Variants in ME3 observed in about 807,000 individuals in gnomAD.
ME3 encodes the protein malic enzyme 3, also known as NADP-dependent malic enzyme, mitochondrial.
In ME3, 48 loss-of-function variants were observed where a neutral mutation model predicts 68.9. The ratio of observed to expected loss-of-function variants is 0.70; its 90% CI spans 0.55 to 0.89. The LOEUF is 0.89. Among genes scored for constraint, ME3 ranks in the 40% least tolerant of loss-of-function variants. The pLI is 0.00. For missense variants in ME3, 675 were observed against 797.4 expected (o/e 0.85, Z 1.85); for synonymous variants, 320 against 318.8 (o/e 1.00, Z -0.04).
chr11:86,511,403 T>A (rs905973494), intron 4 of ME3, among the ~76,000 whole-genome samples: 13 of 152,208 alleles, frequency 8.5e-5, no homozygotes, highest in African/African-American at 3.1e-4. Flanking sequence ...TGCCATGTTC[T>A]TCCTACTCCA....
At chr11:86,547,478 C>T (rs369692402) in intron 4 of ME3, among the ~76,000 whole-genome samples, 58 of 92,032 alleles carry the variant, frequency 6.3e-4, no homozygotes, top group African/African-American at 2.1e-3. Flanking sequence ...TGGGGCCTGT[C>T]GGGCGGGTGG....
intron 2 of ME3, among the ~76,000 whole-genome samples, chr11:86,603,266 A>T (rs1302066525): frequency 2.0e-5 from 3 of 149,972 alleles, no homozygotes; most frequent in South Asian, 4.2e-4. Context: ...AAAACAAACA[A>T]CCCCATCAAA....
intron 7 of ME3, among the ~76,000 whole-genome samples, chr11:86,478,504 A>G (rs2138855279): frequency 1.3e-5 from 2 of 152,248 alleles, no homozygotes; most frequent in Middle Eastern, 6.8e-3. Flanking sequence ...GGGAAGGCAG[A>G]ATTTGAATTG....
intron 14 of ME3, among the ~76,000 whole-genome samples, chr11:86,441,927 G>A (rs187180716): frequency 9.2e-5 from 14 of 152,256 alleles, no homozygotes; most frequent in African/African-American, 3.4e-4. Flanking sequence ...TCTAAATATC[G>A]CCCAAAGGAA....
intron 8 of ME3, chr11:86,457,568 A>T (rs1232802942): frequency 8.6e-7 from 1 of 1,166,534 alleles, no homozygotes; most frequent in African/African-American, 1.6e-5. Context: ...TTTGGCAAAT[A>T]AAGTTATCTC....
intron 4 of ME3, among the ~76,000 whole-genome samples, chr11:86,547,407 A>G (rs1956428371): frequency 6.6e-6 from 1 of 151,520 alleles, no homozygotes; most frequent in Non-Finnish European, 1.5e-5. Flanking sequence ...GCATGTTCTC[A>G]CTTATAAGTG....
At chr11:86,490,823 G>T (rs780234941) in intron 6 of ME3, among the ~76,000 whole-genome samples, 5 of 152,164 alleles carry the variant, frequency 3.3e-5, no homozygotes, top group Non-Finnish European at 7.4e-5. Context: ...TTGAATCTTA[G>T]TGCATCAAGC....
At chr11:86,547,172 A>G (rs1956406092) in intron 4 of ME3, among the ~76,000 whole-genome samples, 1 of 147,398 alleles carries the variant, frequency 6.8e-6, no homozygotes, top group South Asian at 2.2e-4. Flanking sequence ...CGGGAGGCAG[A>G]GCTTGCAGTG....
chr11:86,532,785 C>T (rs1312651235), intron 4 of ME3, among the ~76,000 whole-genome samples: 9 of 152,176 alleles, frequency 5.9e-5, no homozygotes, highest in Non-Finnish European at 2.9e-5. Context: ...AGGGCTCTGG[C>T]GTGGTGGCTT....
At chr11:86,628,242 G>T (rs1048353769) in intron 2 of ME3, among the ~76,000 whole-genome samples, 1 of 152,228 alleles carries the variant, frequency 6.6e-6, no homozygotes, top group Non-Finnish European at 1.5e-5. Context: ...TGTGGTGTGT[G>T]GCTGCCAGCC....
intron 4 of ME3, among the ~76,000 whole-genome samples, chr11:86,535,463 C>T (rs1955588220): frequency 1.3e-5 from 2 of 152,168 alleles, no homozygotes; most frequent in South Asian, 4.1e-4. Flanking sequence ...AAGTGTAGGA[C>T]ATAATCTCAT....
At chr11:86,577,001 A>C (rs1288697218) in intron 2 of ME3, among the ~76,000 whole-genome samples, 3 of 152,150 alleles carry the variant, frequency 2.0e-5, no homozygotes, top group Non-Finnish European at 4.4e-5. Context: ...CCTTTCAAAT[A>C]ATCAGCCAAG....
At position 86,538,025 on chromosome 11, in the gene ME3, C is replaced by T. The variant is rs191866119; in HGVS notation, c.467+18528G>A. Among the ~76,000 whole-genome samples, 271 of 152,296 alleles carry T rather than the reference C, an allele frequency of 1.8e-3. 5 individuals carry two copies. Among genetic ancestry groups the T allele is most frequent in the Non-Finnish European group, 3.1e-3 (212 of 68,016 alleles). ...GGCACCTTGATGTGGCATGGAAATTCACAAATCCATTTCACCCCATGTCCC... is the reference window on the plus strand; with the variant it reads ...GGCACCTTGATGTGGCATGGAAATTTACAAATCCATTTCACCCCATGTCCC... On this transcript the variant is annotated intron_variant, in intron 4 of 14. Coordinates refer to ENST00000543262, the Ensembl canonical transcript of ME3.
intron 4 of ME3, among the ~76,000 whole-genome samples, chr11:86,509,756 CAAAAAAA>C (rs5793200): frequency 9.8e-6 from 1 of 102,508 alleles, no homozygotes; most frequent in South Asian, 3.3e-4. Flanking sequence ...GGGGGATTGG[CAAAAAAA>C]AAAAAAAAAA....
At chr11:86,470,430 C>G (rs1267279529) in intron 7 of ME3, among the ~76,000 whole-genome samples, 2 of 128,358 alleles carry the variant, frequency 1.6e-5, no homozygotes, top group Non-Finnish European at 3.4e-5. Flanking sequence ...ATCATAAAAA[C>G]TCTTGGTCTT....
intron 8 of ME3, among the ~76,000 whole-genome samples, chr11:86,450,611 T>A (rs1949574808): frequency 6.6e-6 from 1 of 152,224 alleles, no homozygotes; most frequent in Admixed American, 6.5e-5. Context: ...AGCTCCTGAT[T>A]TGTTACTTGA....
chr11:86,555,594 C>T (rs1005527928), intron 4 of ME3, among the ~76,000 whole-genome samples: 1 of 152,146 alleles, frequency 6.6e-6, no homozygotes, highest in African/African-American at 2.4e-5. Context: ...ATGTGCTATC[C>T]TTTGCCAACG....
intron 2 of ME3, among the ~76,000 whole-genome samples, chr11:86,642,704 A>G (rs1944746063): frequency 6.6e-6 from 1 of 152,196 alleles, no homozygotes; most frequent in South Asian, 2.1e-4. Context: ...ACCCTGTCTT[A>G]TAAAATAAAA....
intron 8 of ME3, chr11:86,462,728 A>T (rs1191512645): frequency 1.8e-6 from 1 of 558,546 alleles, no homozygotes; most frequent in Non-Finnish European, 3.1e-6. Context: ...GAAGCTTATT[A>T]TCTTCTGGGA....
Sources: gnomAD v4.1 joint callset for allele counts (sites outside exome capture counted in the v4.1 genomes callset) on GRCh38, gnomAD v4.1.1 for gene constraint, MANE v1.5 for transcripts, NCBI Gene and HGNC (gene_info 2026-07-23, HGNC 2026-07-21) for gene names.